The following PRKN variants were observed in gnomAD, a reference collection of about 807,000 sequenced individuals.
The protein encoded by PRKN is E3 ubiquitin-protein ligase parkin.
A neutral mutation model predicts 59.5 loss-of-function variants in PRKN; 56 were observed. That is an observed-to-expected ratio of 0.94 (90% CI 0.76 to 1.18). The LOEUF (loss-of-function observed/expected upper bound fraction) is 1.18, where lower values mean the gene tolerates loss of function less well. PRKN is among the 50% of genes most tolerant of loss of function. The pLI is 0.00. For missense variants in PRKN, 657 were observed against 596.4 expected, an observed-to-expected ratio of 1.10 and a Z score of -1.06; for synonymous variants, 250 against 222.1, an observed-to-expected ratio of 1.13 and a Z score of -1.12.
intron 2 of PRKN, among the ~76,000 whole-genome samples, chr6:162,327,034 C>A (rs757584847): frequency 1.3e-5 from 2 of 152,060 alleles, no homozygotes; most frequent in Non-Finnish European, 2.9e-5. Flanking sequence ...ATAATATTTC[C>A]ATGTTTAAAG....
At chr6:162,061,575 T>C (rs964174419) in intron 4 of PRKN, among the ~76,000 whole-genome samples, 4 of 152,308 alleles carry the variant, frequency 2.6e-5, no homozygotes, top group Admixed American at 6.5e-5. Context: ...CTCTGTCATA[T>C]AGTAGACACT....
intron 9 of PRKN, among the ~76,000 whole-genome samples, chr6:161,493,827 T>C (rs1777646048): frequency 6.6e-6 from 1 of 152,218 alleles, no homozygotes; most frequent in Admixed American, 6.5e-5. Context: ...AATGATTAGT[T>C]AGAAGTGAAC....
intron 2 of PRKN, among the ~76,000 whole-genome samples, chr6:162,413,909 C>T (rs556973338): frequency 1.3e-5 from 2 of 152,184 alleles, no homozygotes; most frequent in South Asian, 2.1e-4. Flanking sequence ...AGGCTGGGCG[C>T]GGTGGCTCAC....
At chr6:162,390,351 C>A (rs1276945438) in intron 2 of PRKN, among the ~76,000 whole-genome samples, 1 of 131,238 alleles carries the variant, frequency 7.6e-6, no homozygotes, top group Non-Finnish European at 1.6e-5. Flanking sequence ...GAGGGGAATG[C>A]CACATGGTGA....
At chr6:161,674,607 A>G (rs1361467185) in intron 7 of PRKN, among the ~76,000 whole-genome samples, 1 of 152,124 alleles carries the variant, frequency 6.6e-6, no homozygotes, top group Non-Finnish European at 1.5e-5. Context: ...TGTTTGTTTC[A>G]TGGATATTAC....
At chr6:161,832,623 CAAAAAAA>C (rs529969845) in intron 6 of PRKN, among the ~76,000 whole-genome samples, 1 of 75,224 alleles carries the variant, frequency 1.3e-5, no homozygotes, top group African/African-American at 5.2e-5. Flanking sequence ...GATTCCATCT[CAAAAAAA>C]AAAAAAAAAA....
intron 1 of PRKN, among the ~76,000 whole-genome samples, chr6:162,621,301 CT>C (rs1357302992): frequency 6.6e-6 from 1 of 152,176 alleles, no homozygotes; most frequent in Admixed American, 6.5e-5. Context: ...GAAAATGCCC[CT>C]GCCTTGGAAA....
At chr6:161,556,831 T>C (rs1780256459) in intron 8 of PRKN, among the ~76,000 whole-genome samples, 1 of 152,110 alleles carries the variant, frequency 6.6e-6, no homozygotes, top group African/African-American at 2.4e-5. Flanking sequence ...AGCTCAAAAG[T>C]GGAAAAATCA....
chr6:162,580,151 C>T (rs1282247339), intron 1 of PRKN, among the ~76,000 whole-genome samples: 2 of 152,108 alleles, frequency 1.3e-5, no homozygotes, highest in Admixed American at 6.6e-5. Context: ...TTGAAAGTAA[C>T]ATTGGCTGCA....
chr6:162,055,642 A>G (rs1777825341), intron 4 of PRKN, among the ~76,000 whole-genome samples: 1 of 152,120 alleles, frequency 6.6e-6, no homozygotes, highest in African/African-American at 2.4e-5. Context: ...CAGAGCTTCC[A>G]GGAGACGTGG....
chr6:161,792,003 C>T (rs1254607673), intron 6 of PRKN, among the ~76,000 whole-genome samples: 1 of 152,226 alleles, frequency 6.6e-6, no homozygotes, highest in Non-Finnish European at 1.5e-5. Context: ...GGAGGACACT[C>T]AAGCAGTACT....
At chr6:161,496,399 AC>A (rs1481443080) in intron 9 of PRKN, among the ~76,000 whole-genome samples, 4 of 152,220 alleles carry the variant, frequency 2.6e-5, no homozygotes, top group African/African-American at 9.7e-5. Context: ...ATAAAGACAT[AC>A]TCGACACTGG....
chr6:161,769,196 C>T (rs778917483), intron 7 of PRKN, among the ~76,000 whole-genome samples: 2 of 152,188 alleles, frequency 1.3e-5, no homozygotes, highest in Non-Finnish European at 2.9e-5. Context: ...ATTAAACCTA[C>T]ATCGCAGCTT....
intron 7 of PRKN, among the ~76,000 whole-genome samples, chr6:161,762,479 A>G (rs1182190186): frequency 6.6e-6 from 1 of 152,238 alleles, no homozygotes; most frequent in Non-Finnish European, 1.5e-5. Flanking sequence ...ATTAAAGACT[A>G]CTTGATGTCA....
intron 2 of PRKN, among the ~76,000 whole-genome samples, chr6:162,284,847 T>C (rs9364645): frequency 0.058 from 8,838 of 152,220 alleles, 398 homozygotes; most frequent in African/African-American, 0.13. Flanking sequence ...ATGGGCTAAA[T>C]TGTGTCCCCT....
intron 5 of PRKN, among the ~76,000 whole-genome samples, chr6:162,039,142 C>T (rs965409369): frequency 3.4e-5 from 5 of 147,056 alleles, no homozygotes; most frequent in African/African-American, 5.2e-5. Flanking sequence ...GGCGACAGAG[C>T]GAGACTCCAT....
rs1028202269 is a variant in PRKN, at chr6:161,546,301, G to C, written c.1083+2553C>G. 8.5e-5 allele frequency among the ~76,000 whole-genome samples: 13 copies of C among 152,244 alleles called. No individual in the cohort carries two copies. Among genetic ancestry groups the C allele is most frequent in the South Asian group, 8.3e-4 (4 of 4,820 alleles). On this transcript the variant is annotated intron_variant, in intron 9 of 11. Coordinates refer to ENST00000366898, the MANE Select transcript of PRKN (RefSeq NM_004562.3). The surrounding 1 kb of genome is among the most constrained non-coding windows in gnomAD (Gnocchi z 4.4). Reference sequence around the variant, plus strand: ...TTTTAGAGATAAGGAAACCGAGAAAGATGAAAACCACAAGTAGTTTGTGAA... The same window carrying C: ...TTTTAGAGATAAGGAAACCGAGAAACATGAAAACCACAAGTAGTTTGTGAA...
chr6:161,563,090 A>C (rs1195970784), intron 8 of PRKN, among the ~76,000 whole-genome samples: 1 of 151,816 alleles, frequency 6.6e-6, no homozygotes, highest in Non-Finnish European at 1.5e-5. Flanking sequence ...TCTGCTTGGG[A>C]TGCTCTTCTG....
At chr6:162,188,625 TGAAAA>T (rs1355385151) in intron 4 of PRKN, among the ~76,000 whole-genome samples, 1 of 152,112 alleles carries the variant, frequency 6.6e-6, no homozygotes, top group Non-Finnish European at 1.5e-5. Context: ...CGCTGTTCTT[TGAAAA>T]GAAAACTTCT....
Sources: allele counts gnomAD v4.1 joint callset (sites outside exome capture counted in the v4.1 genomes callset), GRCh38; gene constraint gnomAD v4.1.1; non-coding constraint Gnocchi (gnomAD v3.1); transcripts MANE v1.5; gene names NCBI Gene and HGNC (gene_info 2026-07-23, HGNC 2026-07-21).